MAMDC2: variants seen among roughly 807,000 people sequenced by gnomAD.
MAMDC2 encodes MAM domain containing 2, also known as MAM domain-containing protein 2.
MAMDC2 carries 57 observed loss-of-function variants against 89.8 expected under a neutral mutation model. The ratio of observed to expected loss-of-function variants is 0.63; its 90% CI spans 0.51 to 0.79. The LOEUF (loss-of-function observed/expected upper bound fraction) is 0.79, where lower values mean the gene tolerates loss of function less well. MAMDC2 is among the 30% of genes least tolerant of loss of function. The pLI, the probability that MAMDC2 is intolerant of heterozygous loss-of-function variation, is 0.00. For synonymous variants in MAMDC2, 313 were observed against 293.4 expected (o/e 1.07, Z -0.68); for missense variants, 800 against 820.6 (o/e 0.97, Z 0.31).
chr9:70,149,211 A>T (rs1290035475), intron 9 of MAMDC2, among the ~76,000 whole-genome samples: 1 of 145,532 alleles, frequency 6.9e-6, no homozygotes, highest in Non-Finnish European at 1.5e-5. Flanking sequence ...CCATCTCAAA[A>T]AAAAAAAAAA....
At chr9:70,160,130 C>T (rs1053576949) in intron 9 of MAMDC2, among the ~76,000 whole-genome samples, 10 of 152,046 alleles carry the variant, frequency 6.6e-5, no homozygotes, top group Admixed American at 2.0e-4. Flanking sequence ...GAGAATCCCT[C>T]GAATCCAGGA....
At chr9:70,182,833 T>C (rs2032673859) in intron 11 of MAMDC2, among the ~76,000 whole-genome samples, 1 of 152,234 alleles carries the variant, frequency 6.6e-6, no homozygotes, top group South Asian at 2.1e-4. Context: ...TTGAAGGGAC[T>C]TTCATGTCTC....
chr9:70,047,282 C>A (rs1162112076), intron 2 of MAMDC2, among the ~76,000 whole-genome samples: 1 of 151,806 alleles, frequency 6.6e-6, no homozygotes, highest in Non-Finnish European at 1.5e-5. Flanking sequence ...GTTTGCTGCA[C>A]CTATCATCCC....
intron 5 of MAMDC2, among the ~76,000 whole-genome samples, chr9:70,114,363 C>T (rs898068034): frequency 6.6e-6 from 1 of 150,442 alleles, no homozygotes; most frequent in Non-Finnish European, 1.5e-5. Context: ...GTTGCCAGAT[C>T]TTTTGATGTT....
chr9:70,063,444 G>A (rs951996226), intron 2 of MAMDC2, among the ~76,000 whole-genome samples: 10 of 152,226 alleles, frequency 6.6e-5, no homozygotes, highest in Admixed American at 3.9e-4. Flanking sequence ...CGTGATGTGC[G>A]TGTCCTTGTT....
Position 70,218,384 on chromosome 9 carries a change from G to C in MAMDC2, c.1699G>C (p.Ala567Pro). 6.2e-7 allele frequency: 1 copy of C among 1,614,166 alleles called. No homozygotes were observed. The highest frequency in any genetic ancestry group is 1.3e-5 in the African/African-American group (1 of 75,050). ...EASHMVYGQK[A>P]RLLSRPLRGV... Reference sequence around the variant, plus strand: ...CTCCCATATGGTGTATGGACAAAAAGCACGCCTCTTGTCCAGGCCTCTGCG... The same window carrying C: ...CTCCCATATGGTGTATGGACAAAAACCACGCCTCTTGTCCAGGCCTCTGCG... The change falls in exon 12 of 14, where the codon GCA (alanine) becomes CCA (proline). Residue 567 changes from alanine to proline, a missense_variant. Physicochemically the swap from Ala to Pro is conservative, Grantham distance 27. Transcript: ENST00000377182.
At chr9:70,109,872 G>A in intron 4 of MAMDC2, 68 bp downstream of exon 4, 2 of 1,303,112 alleles carry the variant, frequency 1.5e-6, no homozygotes, top group Non-Finnish European at 2.2e-6. Flanking sequence ...TTGCCAGAGG[G>A]AACTGAATCA....
At chr9:70,192,548 A>G (rs2032901609) in intron 11 of MAMDC2, among the ~76,000 whole-genome samples, 1 of 152,138 alleles carries the variant, frequency 6.6e-6, no homozygotes, top group African/African-American at 2.4e-5. Flanking sequence ...TAGGAGGGGA[A>G]GAGTATAAAA....
intron 6 of MAMDC2, among the ~76,000 whole-genome samples, chr9:70,129,485 T>A (rs374622669): frequency 6.6e-6 from 1 of 152,106 alleles, no homozygotes; most frequent in African/African-American, 2.4e-5. Flanking sequence ...CAGTGATATA[T>A]CCAGGCCCAC....
chr9:70,204,759 T>A (rs538180734), intron 11 of MAMDC2, among the ~76,000 whole-genome samples: 2 of 152,048 alleles, frequency 1.3e-5, no homozygotes, highest in East Asian at 3.9e-4. Context: ...AGTCTCGTGG[T>A]GCGCCGTTTT....
chr9:70,046,868 G>C (rs1826766383), intron 2 of MAMDC2, among the ~76,000 whole-genome samples: 1 of 152,210 alleles, frequency 6.6e-6, no homozygotes, highest in Admixed American at 6.5e-5. Context: ...AGTTGTTCCA[G>C]CTTCAGTTTG....
Position 70,147,706 on chromosome 9 carries a change from C to A in MAMDC2, c.1404+3887C>A, listed in dbSNP as rs77916042. 3.3e-5 allele frequency among the ~76,000 whole-genome samples: 5 copies of A among 150,238 alleles called. No individual in the cohort carries two copies. The East Asian group carries it at 9.7e-4, about 29-fold the overall frequency. On this transcript the variant is annotated intron_variant, in intron 9 of 13. Coordinates refer to ENST00000377182, the MANE Select transcript of MAMDC2 (RefSeq NM_153267.5). ...TTACTGAACTTTCACATTGTTATGGCGTAGAACATTTATATTCCTACAGTT... is the reference window on the plus strand; with the variant it reads ...TTACTGAACTTTCACATTGTTATGGAGTAGAACATTTATATTCCTACAGTT...
chr9:70,169,112 T>C (rs2032255455), intron 10 of MAMDC2, among the ~76,000 whole-genome samples: 1 of 152,224 alleles, frequency 6.6e-6, no homozygotes, highest in Non-Finnish European at 1.5e-5. Flanking sequence ...ACTATAATTA[T>C]TACTATTACT....
chr9:70,199,905 C>A (rs950073158), intron 11 of MAMDC2, among the ~76,000 whole-genome samples: 1 of 150,774 alleles, frequency 6.6e-6, no homozygotes, highest in Non-Finnish European at 1.5e-5. Context: ...GTTGTTTGTT[C>A]TTTTCTTGTA....
intron 2 of MAMDC2, among the ~76,000 whole-genome samples, chr9:70,097,334 G>T (rs971043565): frequency 2.0e-5 from 3 of 152,048 alleles, no homozygotes; most frequent in African/African-American, 7.2e-5. Flanking sequence ...TTTTCTTTTT[G>T]GAGATAAGTA....
chr9:70,094,881 A>C (rs1227104540), intron 2 of MAMDC2, among the ~76,000 whole-genome samples: 1 of 152,248 alleles, frequency 6.6e-6, no homozygotes, highest in Non-Finnish European at 1.5e-5. Flanking sequence ...GAGATTAGCA[A>C]AGGCTGCCTG....
chr9:70,220,348 C>T (rs2033533051), intron 12 of MAMDC2, among the ~76,000 whole-genome samples: 1 of 152,136 alleles, frequency 6.6e-6, no homozygotes, highest in African/African-American at 2.4e-5. Flanking sequence ...GATGCAGAAT[C>T]GCCCTGGAGA....
intron 5 of MAMDC2, among the ~76,000 whole-genome samples, chr9:70,122,982 C>G (rs1490110678): frequency 6.6e-6 from 1 of 152,138 alleles, no homozygotes; most frequent in African/African-American, 2.4e-5. Context: ...GGTCTTGGTA[C>G]AAACTCTCCT....
chr9:70,120,394 C>T (rs1375992833), intron 5 of MAMDC2, among the ~76,000 whole-genome samples: 1 of 152,208 alleles, frequency 6.6e-6, no homozygotes, highest in Admixed American at 6.5e-5. Context: ...AGTTTCCTTC[C>T]TCTACCTCTT....
Sources: gnomAD v4.1 joint callset for allele counts (sites outside exome capture counted in the v4.1 genomes callset) on GRCh38, gnomAD v4.1.1 for gene constraint, MANE v1.5 for transcripts, NCBI Gene and HGNC (gene_info 2026-07-23, HGNC 2026-07-21) for gene names.